The following FAM110B variants were observed in gnomAD, a reference collection of about 807,000 sequenced individuals.
FAM110B encodes the protein family with sequence similarity 110 member B.
A neutral mutation model predicts 20.4 loss-of-function variants in FAM110B; 6 were observed. That is an observed-to-expected ratio of 0.29 (90% CI 0.16 to 0.58). The LOEUF (loss-of-function observed/expected upper bound fraction) is 0.58. FAM110B is among the 20% of genes least tolerant of loss of function. The pLI is 0.90. For synonymous variants in FAM110B, 226 were observed against 214.1 expected (o/e 1.06, Z -0.49); for missense variants, 434 against 498.2 (o/e 0.87, Z 1.23).
intron 3 of FAM110B, among the ~76,000 whole-genome samples, chr8:58,103,680 C>A (rs891640060): frequency 1.3e-5 from 2 of 152,156 alleles, no homozygotes; most frequent in African/African-American, 2.4e-5. Context: ...TCTAACCTGG[C>A]ATTCCATACA....
intron 2 of FAM110B, among the ~76,000 whole-genome samples, chr8:58,042,863 C>T (rs1805248053): frequency 6.6e-6 from 1 of 152,184 alleles, no homozygotes; most frequent in Non-Finnish European, 1.5e-5. Flanking sequence ...TTTCTGGTTT[C>T]TAGCTGTCCC....
At chr8:58,130,706 A>T (rs1033152755) in intron 3 of FAM110B, among the ~76,000 whole-genome samples, 1 of 150,824 alleles carries the variant, frequency 6.6e-6, no homozygotes, top group Non-Finnish European at 1.5e-5. Flanking sequence ...TAGCTATTAT[A>T]TTACTCTATG....
intron 3 of FAM110B, among the ~76,000 whole-genome samples, chr8:58,105,534 AAATGAATGAATG>A (rs936852218): frequency 3.3e-5 from 5 of 150,824 alleles, no homozygotes; most frequent in Non-Finnish European, 5.9e-5. Context: ...CCTTGTCTGA[AAATGAATGAATG>A]AATGAATGAA....
intron 1 of FAM110B, among the ~76,000 whole-genome samples, chr8:58,019,265 G>A (rs1291915381): frequency 1.3e-5 from 2 of 148,202 alleles, no homozygotes. Context: ...TTGAACCCGG[G>A]AGGTGGAGGT....
intron 3 of FAM110B, among the ~76,000 whole-genome samples, chr8:58,084,643 C>A (rs562353869): frequency 6.6e-6 from 1 of 152,096 alleles, no homozygotes; most frequent in Non-Finnish European, 1.5e-5. Context: ...CCACCTCAGG[C>A]GCTCAAAGTG....
chr8:58,125,490 G>A (rs910522114), intron 3 of FAM110B, among the ~76,000 whole-genome samples: 2 of 152,096 alleles, frequency 1.3e-5, no homozygotes, highest in Admixed American at 6.5e-5. Context: ...ATTGCCTTCA[G>A]TACTATTTAA....
At chr8:58,098,484 T>C (rs921674646) in intron 3 of FAM110B, among the ~76,000 whole-genome samples, 12 of 152,140 alleles carry the variant, frequency 7.9e-5, no homozygotes, top group African/African-American at 2.9e-4. Flanking sequence ...CTGGGTTCCT[T>C]GGGGGTGGGA....
intron 2 of FAM110B, among the ~76,000 whole-genome samples, chr8:58,068,828 T>C (rs1427505242): frequency 1.3e-5 from 2 of 152,168 alleles, no homozygotes; most frequent in African/African-American, 4.8e-5. Flanking sequence ...AGAGTTGCAT[T>C]TGACTGGCTG....
In FAM110B at chr8:58,144,402, T is replaced by A. The variant is rs1803811253; in HGVS notation, c.-324-1505T>A. On this transcript the variant is annotated intron_variant, in intron 3 of 3. Transcript: ENST00000519262. ...ATTTCATCTTAATGGGAGGAGGTGT[T>A]TTTTGTTTTTTATACTAAATTGAGG... 2.0e-5 allele frequency among the ~76,000 whole-genome samples: 3 copies of A among 152,188 alleles called. No individual in the cohort carries two copies. In the South Asian group the frequency reaches 6.2e-4, roughly 32 times the overall value.
chr8:58,009,930 G>A (rs568930620), intron 1 of FAM110B, among the ~76,000 whole-genome samples: 59 of 152,152 alleles, frequency 3.9e-4, no homozygotes, highest in African/African-American at 1.3e-3. Flanking sequence ...TTGGATTTCC[G>A]TAACTCATTT....
intron 1 of FAM110B, among the ~76,000 whole-genome samples, chr8:58,014,708 C>A (rs1487532742): frequency 1.3e-5 from 2 of 152,120 alleles, no homozygotes; most frequent in Non-Finnish European, 2.9e-5. Context: ...TTGCATTTTT[C>A]TTTAATCTGT....
At chr8:58,050,486 C>A (rs2150580610) in intron 2 of FAM110B, among the ~76,000 whole-genome samples, 1 of 152,318 alleles carries the variant, frequency 6.6e-6, no homozygotes, top group Non-Finnish European at 1.5e-5. Flanking sequence ...GAGGAATCTG[C>A]TCCTGAGCTC....
At chr8:58,031,034 G>A (rs1476344458) in intron 1 of FAM110B, among the ~76,000 whole-genome samples, 1 of 152,140 alleles carries the variant, frequency 6.6e-6, no homozygotes, top group Admixed American at 6.5e-5. Context: ...GGACTATTGA[G>A]GCCATCAAGA....
intron 1 of FAM110B, among the ~76,000 whole-genome samples, chr8:58,002,713 A>ATT (rs1418524797): frequency 2.0e-5 from 3 of 152,210 alleles, no homozygotes; most frequent in Non-Finnish European, 2.9e-5. Context: ...TAGTCTATTA[A>ATT]GTGTGCAATA....
At chr8:58,105,334 T>C (rs1806880534) in intron 3 of FAM110B, among the ~76,000 whole-genome samples, 1 of 152,068 alleles carries the variant, frequency 6.6e-6, no homozygotes, top group African/African-American at 2.4e-5. Flanking sequence ...AGAAGATAGA[T>C]ATAAAGCACT....
Position 58,115,806 on chromosome 8 carries a change from C to G in FAM110B, c.-324-30101C>G, listed in dbSNP as rs75283713. On this transcript the variant is annotated intron_variant, in intron 3 of 3. Coordinates refer to ENST00000519262, the MANE Select transcript of FAM110B (RefSeq NM_001377989.1). ...TTCTGGTGTTGAGAAATGTATTATG[C>G]TGAGTATAACTTAGGCTAGGAAAAA... Among the ~76,000 whole-genome samples, 379 of 152,246 alleles carry G rather than the reference C, an allele frequency of 2.5e-3. 1 individual carries two copies. Among genetic ancestry groups the G allele is most frequent in the Non-Finnish European group, 4.4e-3 (297 of 68,028 alleles).
chr8:58,040,933 A>ACCT (rs1805201712), intron 2 of FAM110B, among the ~76,000 whole-genome samples: 11 of 119,856 alleles, frequency 9.2e-5, no homozygotes, highest in Admixed American at 4.2e-4. Flanking sequence ...AAATGGGAAA[A>ACCT]TCTTTTTTTT....
chr8:58,020,740 A>T (rs527875188), intron 1 of FAM110B, among the ~76,000 whole-genome samples: 3 of 152,234 alleles, frequency 2.0e-5, no homozygotes, highest in African/African-American at 7.2e-5. Context: ...GGCTGGGGGA[A>T]GGTGGTGGTA....
chr8:58,012,742 G>T (rs955929808), intron 1 of FAM110B, among the ~76,000 whole-genome samples: 1 of 152,216 alleles, frequency 6.6e-6, no homozygotes, highest in Non-Finnish European at 1.5e-5. Flanking sequence ...GAATGCTGCA[G>T]TCTGTGTTAC....
Sources: gnomAD v4.1 joint callset for allele counts (sites outside exome capture counted in the v4.1 genomes callset) on GRCh38, gnomAD v4.1.1 for gene constraint, MANE v1.5 for transcripts, NCBI Gene and HGNC (gene_info 2026-07-23, HGNC 2026-07-21) for gene names.